Variants in CAPS2 observed in about 807,000 individuals in gnomAD.
CAPS2 encodes calcyphosin-2.
In CAPS2, 98 loss-of-function variants were observed where a neutral mutation model predicts 86.5. That is an observed-to-expected ratio of 1.13 (90% CI 0.96 to 1.34). CAPS2 has a LOEUF of 1.34. Among genes scored for constraint, CAPS2 ranks in the 40% most tolerant of loss-of-function variants. The probability of loss-of-function intolerance (pLI) is 0.00; values close to 1 mark genes in which losing one functional copy is unlikely to be tolerated. For synonymous variants in CAPS2, 210 were observed against 225.1 expected, an observed-to-expected ratio of 0.93 and a Z score of 0.60; for missense variants, 729 against 686.8, an observed-to-expected ratio of 1.06 and a Z score of -0.69.
At chr12:75,277,085 A>G (rs1377772831), downstream of CAPS2, 1 of 984,490 alleles carries the variant, frequency 1.0e-6, no homozygotes, top group African/African-American at 1.7e-5. Flanking sequence ...ATACACCAAA[A>G]AAAATCTCAT....
chr12:75,320,168 T>G (rs528362365), intron 5 of CAPS2, among the ~76,000 whole-genome samples: 1 of 152,288 alleles, frequency 6.6e-6, no homozygotes, highest in African/African-American at 2.4e-5. Flanking sequence ...TATTATATAC[T>G]TACCAATTTT....
At chr12:75,365,519 C>T (rs1299299648) in intron 1 of CAPS2, among the ~76,000 whole-genome samples, 1 of 152,000 alleles carries the variant, frequency 6.6e-6, no homozygotes, top group African/African-American at 2.4e-5. Flanking sequence ...ATGAAACAAA[C>T]ATTATTTACC....
intron 15 of CAPS2, among the ~76,000 whole-genome samples, chr12:75,283,900 C>T (rs1034667685): frequency 6.6e-6 from 1 of 152,146 alleles, no homozygotes; most frequent in Non-Finnish European, 1.5e-5. Context: ...CAGCCATCTG[C>T]AAGCCAAGGA....
chr12:75,307,455 A>G (rs1283119734), intron 7 of CAPS2, among the ~76,000 whole-genome samples: 3 of 152,244 alleles, frequency 2.0e-5, no homozygotes, highest in African/African-American at 7.2e-5. Flanking sequence ...GTAAACACAC[A>G]GTTTGATCAA....
At chr12:75,303,732 T>C (rs1442845786) in intron 8 of CAPS2, among the ~76,000 whole-genome samples, 1 of 152,214 alleles carries the variant, frequency 6.6e-6, no homozygotes, top group African/African-American at 2.4e-5. Context: ...AGAAGGGACA[T>C]GGCATATGTG....
chr12:75,385,674 G>A (rs964064519), intron 1 of CAPS2, among the ~76,000 whole-genome samples: 21 of 152,118 alleles, frequency 1.4e-4, no homozygotes, highest in Admixed American at 2.6e-4. Context: ...TTTGTTTGCC[G>A]ATGACATAAT....
intron 5 of CAPS2, among the ~76,000 whole-genome samples, chr12:75,321,122 G>C (rs1467446371): frequency 6.6e-6 from 1 of 151,914 alleles, no homozygotes. Flanking sequence ...CTAATCCCAA[G>C]GTACGTGAAA....
intron 1 of CAPS2, chr12:75,369,678 A>T: frequency 1.0e-6 from 1 of 984,960 alleles, no homozygotes; most frequent in Non-Finnish European, 1.2e-6. Flanking sequence ...AAAGAGTGGG[A>T]AAAATAAAGT....
At chr12:75,281,859 T>C (rs897348358) in intron 16 of CAPS2, among the ~76,000 whole-genome samples, 3 of 152,100 alleles carry the variant, frequency 2.0e-5, no homozygotes, top group Non-Finnish European at 4.4e-5. Flanking sequence ...TATAGCTCCA[T>C]CCCTAGAGAA....
chr12:75,343,746 AT>A (rs2042266658), intron 1 of CAPS2: 1 of 1,612,760 alleles, frequency 6.2e-7, no homozygotes, highest in Non-Finnish European at 8.5e-7. Context: ...ACCAGTGCAA[AT>A]TTGAACATAA....
chr12:75,293,386 G>C lies in CAPS2; in HGVS notation c.1045-19C>G. 2 of 1,443,312 alleles carry C rather than the reference G, an allele frequency of 1.4e-6. No homozygotes were observed. Among genetic ancestry groups the C allele is most frequent in the Middle Eastern group, 1.7e-4 (1 of 5,722 alleles). The allele number at this position is 1,443,312 out of a possible 1,614,324, so 89.4% of individuals were successfully genotyped here. The stretch of plus-strand genomic sequence containing the variant: ...TTGCACCCTAAACAAAAGAACAGAT[G>C]AATGAAGCTAGAAAGCATGTAAGAA... On this transcript the variant is annotated intron_variant, in intron 11 of 16. Coordinates refer to ENST00000393284, the Ensembl canonical transcript of CAPS2.
chr12:75,388,651 A>G (rs1207128605), intron 1 of CAPS2, among the ~76,000 whole-genome samples: 1 of 151,704 alleles, frequency 6.6e-6, no homozygotes, highest in Non-Finnish European at 1.5e-5. Context: ...GGAGAGATGA[A>G]TAGTCTGAGC....
In CAPS2 at chr12:75,278,826, C is replaced by G. The variant is rs906065173; in HGVS notation, c.*64G>C. Reference sequence around the variant, plus strand: ...AAATATATTCCAGTGTTTGATCATCCTTTACATTGATATCATCTCTCCAAT... The same window carrying G: ...AAATATATTCCAGTGTTTGATCATCGTTTACATTGATATCATCTCTCCAAT... On this transcript the variant is annotated 3_prime_UTR_variant, in exon 17 of 17. Transcript: ENST00000393284. The G allele has an allele frequency of 5.1e-6, 7 of 1,376,346 alleles. No homozygotes were observed. In the African/African-American group the frequency reaches 1.0e-4, roughly 20 times the overall value. 85.3% of individuals were successfully genotyped at this position (1,376,346 alleles called of 1,614,324 possible). A position where few individuals can be genotyped will look rare whatever the true frequency, so the allele number is the denominator to read the frequency against.
rs577181232 is a variant in CAPS2 at position 75,285,092 on chromosome 12, CAG to C, written c.1396-14_1396-13del. On this transcript the variant is annotated splice_polypyrimidine_tract_variant and intron_variant, in intron 14 of 16. Transcript: ENST00000393284. ...GCAGACTCAAAATCCTAGAAACAATCAGAGATAACTGTTGCATTTTTAAGTTA... is the reference window on the plus strand; with the variant it reads ...GCAGACTCAAAATCCTAGAAACAATCAGATAACTGTTGCATTTTTAAGTTA... 1.4e-3 allele frequency: 2,172 copies of C among 1,599,912 alleles called. 37 individuals are homozygous for C. The South Asian group carries it at 0.021, about 15-fold the overall frequency.
chr12:75,299,861 T>C, exon 9 of CAPS2: 1 of 1,530,694 alleles, frequency 6.5e-7, no homozygotes, highest in Non-Finnish European at 8.9e-7. Context: ...ACCATCAAAC[T>C]GTAATTTATG....
intron 1 of CAPS2, among the ~76,000 whole-genome samples, chr12:75,326,006 T>C (rs936300700): frequency 3.3e-5 from 5 of 152,054 alleles, no homozygotes; most frequent in African/African-American, 7.2e-5. Context: ...AAATAGAAGA[T>C]ATATATGAGT....
At chr12:75,330,299 C>A (rs1356005316), upstream of CAPS2, among the ~76,000 whole-genome samples, 1 of 152,216 alleles carries the variant, frequency 6.6e-6, no homozygotes, top group Non-Finnish European at 1.5e-5. Context: ...TCAGCTACAG[C>A]CGCCGCAGCC....
At chr12:75,339,539 G>T (rs2041961742) in intron 1 of CAPS2, among the ~76,000 whole-genome samples, 1 of 152,084 alleles carries the variant, frequency 6.6e-6, no homozygotes, top group Non-Finnish European at 1.5e-5. Flanking sequence ...CATTCTGTAG[G>T]TTGTCTGTTC....
upstream of CAPS2, chr12:75,333,778 C>T (rs757342047): frequency 3.3e-5 from 5 of 152,094 alleles, no homozygotes; most frequent in Non-Finnish European, 7.4e-5. Context: ...AATTAAACAG[C>T]ATTGTAAACA....
Sources: allele counts gnomAD v4.1 joint callset (sites outside exome capture counted in the v4.1 genomes callset), GRCh38; gene constraint gnomAD v4.1.1; transcripts MANE v1.5; gene names NCBI Gene and HGNC (gene_info 2026-07-23, HGNC 2026-07-21).